TERF1: variants seen among roughly 807,000 people sequenced by gnomAD.
TERF1 encodes telomeric repeat binding factor 1, also known as telomeric repeat-binding factor 1.
TERF1 carries 20 observed loss-of-function variants against 55.1 expected under a neutral mutation model. That is an observed-to-expected ratio of 0.36 (90% CI 0.26 to 0.53). TERF1 has a LOEUF of 0.53. Among genes scored for constraint, TERF1 ranks in the 20% least tolerant of loss-of-function variants. The pLI, the probability that TERF1 is intolerant of heterozygous loss-of-function variation, is 0.91. For missense variants in TERF1, 439 were observed against 535.7 expected (o/e 0.82, Z 1.78); for synonymous variants, 168 against 181.2 (o/e 0.93, Z 0.59).
intron 9 of TERF1, among the ~76,000 whole-genome samples, 187 bp downstream of exon 9, chr8:73,039,406 AT>A (rs991473520): frequency 3.9e-5 from 6 of 152,162 alleles, no homozygotes; most frequent in Non-Finnish European, 7.3e-5. Flanking sequence ...CTTCACCCAT[AT>A]TTAAAAAGTC....
intron 3 of TERF1, 58 bp downstream of exon 3, chr8:73,020,863 ATT>A (rs1384718963): frequency 9.5e-7 from 1 of 1,053,328 alleles, no homozygotes; most frequent in African/African-American, 1.6e-5. Flanking sequence ...TTTAAAAGAA[ATT>A]AAGAGGAACC....
chr8:73,017,569 A>G (rs1165385055), intron 2 of TERF1, among the ~76,000 whole-genome samples: 4 of 152,108 alleles, frequency 2.6e-5, no homozygotes, highest in East Asian at 1.9e-4. Flanking sequence ...TAATGCCCCA[A>G]TTTGGATGAC....
intron 7 of TERF1, chr8:73,030,926 T>C (rs909257378): frequency 2.6e-5 from 4 of 152,416 alleles, no homozygotes; most frequent in Admixed American, 2.6e-4. Flanking sequence ...GAGGAGGTGA[T>C]TGGACATGAG....
chr8:73,037,141 ATATAT>A (rs954265355), intron 8 of TERF1, among the ~76,000 whole-genome samples: 1 of 124,492 alleles, frequency 8.0e-6, no homozygotes, highest in Admixed American at 1.0e-4. Context: ...TTAATAATTT[ATATAT>A]TATAATATAT....
In TERF1 at chr8:73,039,109, CT is replaced by C; in HGVS notation, c.1040-3del. On this transcript the variant is annotated splice_region_variant and splice_polypyrimidine_tract_variant and intron_variant, in intron 8 of 9. Coordinates refer to ENST00000276603, the MANE Select transcript of TERF1 (RefSeq NM_017489.3). The stretch of plus-strand genomic sequence containing the variant: ...CAATATTTATGACATTATTTTTCTA[CT>C]TTTAGGTACAAAAAAGAAAAAAGAA... 1 of 1,542,982 alleles carries C rather than the reference CT, an allele frequency of 6.5e-7. No individual in the cohort carries two copies.
intron 8 of TERF1, among the ~76,000 whole-genome samples, chr8:73,032,978 C>A (rs919284993): frequency 3.3e-5 from 5 of 151,048 alleles, no homozygotes; most frequent in African/African-American, 1.2e-4. Context: ...ATTAACTCGT[C>A]ATTTAGCATT....
intron 7 of TERF1, 92 bp from the exon 8 acceptor site, chr8:73,031,950 T>G (rs893330938): frequency 1.2e-6 from 1 of 841,554 alleles, no homozygotes; most frequent in African/African-American, 1.7e-5. Flanking sequence ...TAATAGAAGA[T>G]CCTAGAACAG....
chr8:73,022,083 CAAATT>C (rs1291812980), intron 3 of TERF1, 128 bp from the exon 4 acceptor site: 11 of 535,206 alleles, frequency 2.1e-5, no homozygotes, highest in Non-Finnish European at 3.6e-5. Context: ...TATCTTTTAT[CAAATT>C]AAAATTATTA....
chr8:73,043,892 T>C (rs1563476510), intron 9 of TERF1, among the ~76,000 whole-genome samples: 1 of 152,196 alleles, frequency 6.6e-6, no homozygotes. Context: ...TGGCAAGTTT[T>C]TGAAAGAACA....
chr8:73,029,784 A>G (rs544136243), intron 6 of TERF1, among the ~76,000 whole-genome samples: 13 of 152,268 alleles, frequency 8.5e-5, no homozygotes, highest in Admixed American at 3.3e-4. Flanking sequence ...ATTTTTACAG[A>G]TGGATAGAAG....
At chr8:73,019,353 T>C (rs191197756) in intron 2 of TERF1, among the ~76,000 whole-genome samples, 25 of 152,336 alleles carry the variant, frequency 1.6e-4, no homozygotes, top group African/African-American at 4.1e-4. Context: ...CTTCCTATGA[T>C]AGTAAATGTT....
chr8:73,021,460 G>A (rs56384556), intron 3 of TERF1, among the ~76,000 whole-genome samples: 1 of 152,160 alleles, frequency 6.6e-6, no homozygotes, highest in Non-Finnish European at 1.5e-5. Flanking sequence ...TAGGCTGCTA[G>A]AGAAAGCAAG....
At chr8:73,030,630 A>G in intron 7 of TERF1, 1 of 349,968 alleles carries the variant, frequency 2.9e-6, no homozygotes, top group Non-Finnish European at 5.1e-6. Context: ...TGGAATACAC[A>G]TATAGGGAGT....
At chr8:73,042,739 G>T (rs6997113) in intron 9 of TERF1, among the ~76,000 whole-genome samples, 102,923 of 152,088 alleles carry the variant, frequency 0.68, 35,555 homozygotes, top group Middle Eastern at 0.77. Context: ...GATATACAGT[G>T]CAGATCTGAG....
Position 73,008,913 on chromosome 8 carries a change from C to G in TERF1, c.27C>G (p.Ala9=), listed in dbSNP as rs763338709. 1 of 1,610,442 alleles carries G rather than the reference C, an allele frequency of 6.2e-7. No individual in the cohort carries two copies. Among genetic ancestry groups the G allele is most frequent in the Non-Finnish European group, 8.5e-7 (1 of 1,178,728 alleles). Residue 9 remains alanine, a synonymous_variant, in exon 1 of 10, where the codon GCC becomes GCG. Coordinates refer to ENST00000276603, the MANE Select transcript of TERF1 (RefSeq NM_017489.3). The part of the protein sequence containing the change: MAEDVSSA[A]PSPRGCADGR... Reference sequence around the variant, plus strand: ...TGGCGGAGGATGTTTCCTCAGCGGCCCCGAGCCCGCGGGGCTGTGCGGATG... The same window carrying G: ...TGGCGGAGGATGTTTCCTCAGCGGCGCCGAGCCCGCGGGGCTGTGCGGATG...
At chr8:73,034,818 A>G (rs1405938964) in intron 8 of TERF1, among the ~76,000 whole-genome samples, 1 of 152,012 alleles carries the variant, frequency 6.6e-6, no homozygotes, top group African/African-American at 2.4e-5. Flanking sequence ...CAGATGAGGA[A>G]GCTGAGACTT....
At chr8:73,037,722 ATAT>A (rs1809624206) in intron 8 of TERF1, among the ~76,000 whole-genome samples, 1 of 87,646 alleles carries the variant, frequency 1.1e-5, no homozygotes, top group East Asian at 2.6e-4. Context: ...TATATAATAT[ATAT>A]TATATAGTAT....
intron 8 of TERF1, among the ~76,000 whole-genome samples, chr8:73,035,614 A>G (rs1809478049): frequency 6.6e-6 from 1 of 152,182 alleles, no homozygotes; most frequent in African/African-American, 2.4e-5. Context: ...TGTTGTATCA[A>G]TTAGAAAAGT....
Position 73,018,168 on chromosome 8 carries a change from CT to C in TERF1, c.416-2507del, listed in dbSNP as rs1049493437. 1.8e-4 allele frequency among the ~76,000 whole-genome samples: 28 copies of C among 151,470 alleles called. 1 individual carries two copies. Among genetic ancestry groups the C allele is most frequent in the East Asian group, 1.7e-3 (9 of 5,168 alleles). On this transcript the variant is annotated intron_variant, in intron 2 of 9. Coordinates refer to ENST00000276603, the MANE Select transcript of TERF1 (RefSeq NM_017489.3). ...GATGTGAGTTCCACAAGGTCAGGAA[CT>C]TTTTTTTTCATGTTTGTATCTTAAG...
Sources: allele counts gnomAD v4.1 joint callset (sites outside exome capture counted in the v4.1 genomes callset), GRCh38; gene constraint gnomAD v4.1.1; transcripts MANE v1.5; gene names NCBI Gene and HGNC (gene_info 2026-07-23, HGNC 2026-07-21).